CTBP1: variants seen among roughly 807,000 people sequenced by gnomAD.
The protein encoded by CTBP1 is C-terminal-binding protein 1.
Under a neutral mutation model 42.1 loss-of-function variants are expected in CTBP1, and 11 were observed. The ratio of observed to expected loss-of-function variants is 0.26; its 90% CI spans 0.16 to 0.43. CTBP1 has a LOEUF of 0.43. CTBP1 is among the 20% of genes least tolerant of loss of function. The pLI, the probability that CTBP1 is intolerant of heterozygous loss-of-function variation, is 1.00. For synonymous variants in CTBP1, 324 were observed against 277.1 expected (o/e 1.17, Z -1.68); for missense variants, 399 against 624.3 (o/e 0.64, Z 3.85).
At position 1,233,606 on chromosome 4, in the gene CTBP1, A is replaced by C. The variant is rs574320815; in HGVS notation, c.162+4577T>G. On this transcript the variant is annotated intron_variant, in intron 3 of 9. Coordinates refer to ENST00000382952, the MANE Select transcript of CTBP1 (RefSeq NM_001012614.2). This position sits in a 1 kb window ranked among gnomAD's most constrained non-coding sequence, Gnocchi z 4.6. ...AACCCTTCTCCTGTGGAAATTCCAA[A>C]GCAGGCGAGTGGGGCTGGGCTGAGT... 1.8e-4 allele frequency among the ~76,000 whole-genome samples: 27 copies of C among 152,112 alleles called. No homozygotes were observed. The highest frequency in any genetic ancestry group is 3.5e-4 in the Non-Finnish European group (24 of 68,012).
In CTBP1 at chr4:1,227,405, TTC is replaced by T. The variant is rs756916421; in HGVS notation, c.307+792_307+793del. 1.3e-4 allele frequency among the ~76,000 whole-genome samples: 18 copies of T among 143,098 alleles called. 1 individual carries two copies. The South Asian group carries it at 3.9e-3, about 31-fold the overall frequency. The allele number at this position is 143,098 out of a possible 152,430, so 93.9% of individuals were successfully genotyped here. A position where few individuals can be genotyped will look rare whatever the true frequency, so the allele number is the denominator to read the frequency against. On this transcript the variant is annotated intron_variant, in intron 4 of 9. Transcript: ENST00000382952. The stretch of plus-strand genomic sequence containing the variant: ...TGCAGATGTGCGTGTTCTGTGTGTG[TTC>T]TGTGTGCTGAGTGTGCGTGATCCGT...
intron 5 of CTBP1, among the ~76,000 whole-genome samples, chr4:1,219,139 C>T (rs13108006): frequency 1.3e-5 from 2 of 152,116 alleles, no homozygotes; most frequent in African/African-American, 4.8e-5. Flanking sequence ...CTAGACCATC[C>T]TGAGCAACAC....
At chr4:1,222,067 C>T (rs1352288809) in intron 5 of CTBP1, among the ~76,000 whole-genome samples, 8 of 152,208 alleles carry the variant, frequency 5.3e-5, no homozygotes, top group Admixed American at 3.3e-4. Context: ...ACAACCCAGA[C>T]AGTGTGTGCA....
Position 1,211,879 on chromosome 4 carries a change from A to AC in CTBP1, c.*360dup, listed in dbSNP as rs1413822417. On this transcript the variant is annotated 3_prime_UTR_variant, in exon 10 of 10. Coordinates refer to ENST00000382952, the MANE Select transcript of CTBP1 (RefSeq NM_001012614.2). ...GTTCCAACATACAAAAAAAAAAAAA[A>AC]CAAAAAAAAAAACCTCAAATTGACT... The AC allele has an allele frequency of 2.5e-3, 390 of 158,794 alleles. 2 individuals are homozygous for AC. The highest frequency in any genetic ancestry group is 3.7e-3 in the South Asian group (18 of 4,834). The allele number at this position is 158,794 out of a possible 1,614,324, so 9.8% of individuals were successfully genotyped here.
intron 4 of CTBP1, among the ~76,000 whole-genome samples, 179 bp downstream of exon 4, chr4:1,228,020 G>A (rs1730566458): frequency 6.6e-6 from 1 of 152,212 alleles, no homozygotes; most frequent in African/African-American, 2.4e-5. Flanking sequence ...ATGAGGCTCT[G>A]TGAGGAACTG....
At chr4:1,222,331 C>G (rs568253213) in intron 5 of CTBP1, among the ~76,000 whole-genome samples, 2 of 151,978 alleles carry the variant, frequency 1.3e-5, no homozygotes, top group East Asian at 3.9e-4. Flanking sequence ...TCCCTAAGGA[C>G]AGAACTGCTC....
rs1356384820 is a variant in CTBP1, at chr4:1,213,501, C to T, written c.965G>A (p.Arg322Gln). 7 of 1,612,188 alleles carry T rather than the reference C, an allele frequency of 4.3e-6. No homozygotes were observed. The highest frequency in any genetic ancestry group is 5.1e-6 in the Non-Finnish European group (6 of 1,179,902). Reference sequence around the variant, plus strand: ...ACCTGTGATGGCTCTGCGGATCTCCCGTGCCGCCTCCTCTCGCATCTCGAT... The same window carrying T: ...ACCTGTGATGGCTCTGCGGATCTCCTGTGCCGCCTCCTCTCGCATCTCGAT... ...ASIEMREEAA[R>Q]EIRRAITGRI... The change falls in exon 8 of 10, where the codon CGG (arginine) becomes CAG (glutamine). Residue 322 changes from arginine (R) to glutamine (Q), a missense_variant. Around this residue, in one of 4 missense-constraint regions of CTBP1, gnomAD observed 309 missense variants for 497.5 expected, o/e 0.62. Transcript: ENST00000382952.
intron 5 of CTBP1, among the ~76,000 whole-genome samples, chr4:1,223,257 T>C (rs950545957): frequency 2.0e-5 from 3 of 151,388 alleles, no homozygotes; most frequent in Admixed American, 1.3e-4. Flanking sequence ...AGGCCTCAGA[T>C]GGGCAGAGGT....
intron 6 of CTBP1, 59 bp from the exon 7 acceptor site, chr4:1,214,532 G>A: frequency 1.3e-6 from 2 of 1,505,890 alleles, no homozygotes; most frequent in Non-Finnish European, 1.8e-6. Context: ...CGGGCAGCCA[G>A]GGAAGCAAGG....
chr4:1,224,136 T>C (rs1353971638), intron 5 of CTBP1, among the ~76,000 whole-genome samples: 1 of 152,250 alleles, frequency 6.6e-6, no homozygotes, highest in Non-Finnish European at 1.5e-5. Flanking sequence ...CCGTGGTTGA[T>C]GTGCGTGCCC....
chr4:1,215,898 C>A, intron 6 of CTBP1, 93 bp downstream of exon 6: 2 of 1,368,192 alleles, frequency 1.5e-6, no homozygotes, highest in Non-Finnish European at 2.0e-6. Flanking sequence ...GGGTCTTGCC[C>A]AGGTGCAGAT....
chr4:1,222,997 G>A (rs779142274), intron 5 of CTBP1, among the ~76,000 whole-genome samples: 3 of 152,160 alleles, frequency 2.0e-5, no homozygotes, highest in South Asian at 2.1e-4. Context: ...TGTGGCTGCA[G>A]GACAGGCGGT....
At chr4:1,236,304 G>A (rs563795623) in intron 3 of CTBP1, 5 of 356,908 alleles carry the variant, frequency 1.4e-5, no homozygotes, top group Non-Finnish European at 1.5e-5. Flanking sequence ...TCACGGAGGA[G>A]CCTGTGGGTC....
chr4:1,238,942 G>A lies in CTBP1; in HGVS notation c.8-605C>T, dbSNP rs1346332658. ...GAACATGGTTGTCCCTTTCCTGCCT[G>A]GGCTACCGCGTGGCTGCCCGGAATC... On this transcript the variant is annotated intron_variant, in intron 2 of 9. Coordinates refer to ENST00000382952, the MANE Select transcript of CTBP1 (RefSeq NM_001012614.2). This position sits in a 1 kb window ranked among gnomAD's most constrained non-coding sequence, Gnocchi z 5.9. Among the ~76,000 whole-genome samples, 1 of 152,158 alleles carries A rather than the reference G, an allele frequency of 6.6e-6. No homozygotes were observed. Among genetic ancestry groups the A allele is most frequent in the Non-Finnish European group, 1.5e-5 (1 of 68,028 alleles).
At chr4:1,217,847 C>G (rs979397162) in intron 5 of CTBP1, 5 of 152,314 alleles carry the variant, frequency 3.3e-5, no homozygotes, top group African/African-American at 1.2e-4. Context: ...CTGGAATCAG[C>G]CAGCAAAACC....
chr4:1,244,783 G>A (rs1221582403), intron 1 of CTBP1: 4 of 985,320 alleles, frequency 4.1e-6, no homozygotes, highest in East Asian at 1.1e-4. Flanking sequence ...TGAGTCCCCG[G>A]CAGCCATCTG....
At chr4:1,215,890 G>T (rs1729055544) in intron 6 of CTBP1, 101 bp downstream of exon 6, 2 of 1,302,406 alleles carry the variant, frequency 1.5e-6, no homozygotes, top group African/African-American at 1.5e-5. Flanking sequence ...TGAAGGCAGG[G>T]TCTTGCCCAG....
intron 3 of CTBP1, among the ~76,000 whole-genome samples, chr4:1,230,516 G>A (rs1294935483): frequency 6.6e-6 from 1 of 152,180 alleles, no homozygotes; most frequent in African/African-American, 2.4e-5. Context: ...CAGGCCTGGT[G>A]CCAGACGTGA....
chr4:1,249,258 GGGCGGGAGCCT>G (rs936042646), upstream of CTBP1: 1 of 148,828 alleles, frequency 6.7e-6, no homozygotes, highest in African/African-American at 2.4e-5. Flanking sequence ...GGGCGGGGCG[GGGCGGGAGCCT>G]GGCGGGAAGC....
Sources: gnomAD v4.1 joint callset for allele counts (sites outside exome capture counted in the v4.1 genomes callset) on GRCh38, gnomAD v4.1.1 for gene constraint, gnomAD v4.1.1 regional missense constraint, Gnocchi (gnomAD v3.1) non-coding constraint, MANE v1.5 for transcripts, NCBI Gene and HGNC (gene_info 2026-07-23, HGNC 2026-07-21) for gene names.